Variants in THSD7B observed in about 807,000 individuals in gnomAD.
THSD7B encodes thrombospondin type-1 domain-containing protein 7B.
THSD7B carries 138 observed loss-of-function variants against 213.6 expected under a neutral mutation model. The ratio of observed to expected loss-of-function variants is 0.65; its 90% CI spans 0.56 to 0.74. The LOEUF (loss-of-function observed/expected upper bound fraction) is 0.74. Ranked by LOEUF, THSD7B falls within the 30% of genes least tolerant of loss-of-function variation. The probability of loss-of-function intolerance (pLI) is 0.00; values close to 1 mark genes in which losing one functional copy is unlikely to be tolerated. For missense variants in THSD7B, 1,931 were observed against 1,991.5 expected (o/e 0.97, Z 0.58); for synonymous variants, 742 against 687.0 (o/e 1.08, Z -1.25).
intron 14 of THSD7B, among the ~76,000 whole-genome samples, chr2:137,435,118 C>T (rs11889755): frequency 0.084 from 12,766 of 152,140 alleles, 1,140 homozygotes; most frequent in African/African-American, 0.22. Context: ...TATCATGTCC[C>T]AGCAGCTACA....
chr2:136,899,706 G>T (rs1684032425), intron 2 of THSD7B, among the ~76,000 whole-genome samples: 1 of 152,198 alleles, frequency 6.6e-6, no homozygotes, highest in African/African-American at 2.4e-5. Flanking sequence ...TCATGTGTTG[G>T]ATGCTTGAGT....
intron 1 of THSD7B, among the ~76,000 whole-genome samples, chr2:136,879,549 G>A (rs1326397062): frequency 1.3e-5 from 2 of 152,154 alleles, no homozygotes; most frequent in African/African-American, 4.8e-5. Flanking sequence ...CTACCCATGA[G>A]CATGGAATGT....
At chr2:137,568,078 T>C (rs1681277285) in intron 16 of THSD7B, among the ~76,000 whole-genome samples, 1 of 152,192 alleles carries the variant, frequency 6.6e-6, no homozygotes, top group African/African-American at 2.4e-5. Flanking sequence ...GGCTTTTTGG[T>C]TTACTGAGAT....
At chr2:136,869,089 T>A (rs1047347947) in intron 1 of THSD7B, among the ~76,000 whole-genome samples, 1 of 152,198 alleles carries the variant, frequency 6.6e-6, no homozygotes, top group Non-Finnish European at 1.5e-5. Context: ...TTCCTTTTTT[T>A]ATAATTTGTA....
rs1662600712 is a variant in THSD7B, at chr2:137,115,151, A to G, written c.1227A>G (p.Lys409=). The change falls in exon 5 of 28, where the codon AAA becomes AAG. Residue 409 remains lysine (K), a synonymous_variant. Coordinates refer to ENST00000409968, the MANE Select transcript of THSD7B (RefSeq NM_001316349.2). ...PRYSWRTSEW[K]ECQVSLLLEQ... The stretch of plus-strand genomic sequence containing the variant: ...ATTCCTGGAGAACTTCTGAATGGAA[A>G]GAATGCCAAGTCTCTCTCCTCCTCG... 6.2e-7 allele frequency: 1 copy of G among 1,613,866 alleles called. No individual in the cohort carries two copies. Among genetic ancestry groups the G allele is most frequent in the Admixed American group, 1.7e-5 (1 of 59,992 alleles).
At chr2:137,381,900 C>T (rs1177711114) in intron 12 of THSD7B, among the ~76,000 whole-genome samples, 4 of 152,152 alleles carry the variant, frequency 2.6e-5, no homozygotes, top group Non-Finnish European at 5.9e-5. Flanking sequence ...AGGGAACTGG[C>T]CAAGGTGCTT....
chr2:137,307,013 T>G (rs1306297838), intron 12 of THSD7B, among the ~76,000 whole-genome samples: 3 of 152,182 alleles, frequency 2.0e-5, no homozygotes, highest in Non-Finnish European at 4.4e-5. Flanking sequence ...CATCTTGACC[T>G]TTGTCTAATA....
intron 21 of THSD7B, among the ~76,000 whole-genome samples, chr2:137,655,184 T>A (rs890334776): frequency 5.3e-5 from 8 of 152,188 alleles, no homozygotes; most frequent in Admixed American, 3.9e-4. Flanking sequence ...ACAGATTAGG[T>A]CATTTTATCA....
intron 2 of THSD7B, among the ~76,000 whole-genome samples, chr2:136,991,286 A>G (rs1394015819): frequency 6.6e-6 from 1 of 152,204 alleles, no homozygotes; most frequent in African/African-American, 2.4e-5. Flanking sequence ...ATTCTAACAT[A>G]ACTGCTATTG....
chr2:137,133,720 G>T (rs1558933156), intron 5 of THSD7B, among the ~76,000 whole-genome samples: 2 of 152,082 alleles, frequency 1.3e-5, no homozygotes, highest in Non-Finnish European at 2.9e-5. Flanking sequence ...ATAAATAGGT[G>T]AAATTAATTT....
intron 14 of THSD7B, among the ~76,000 whole-genome samples, chr2:137,438,066 C>G (rs927442911): frequency 1.3e-5 from 2 of 152,126 alleles, no homozygotes; most frequent in Non-Finnish European, 2.9e-5. Flanking sequence ...GAGAATAATA[C>G]TAGTAGCAGA....
chr2:137,401,684 C>A (rs556867206), intron 12 of THSD7B, among the ~76,000 whole-genome samples: 2 of 139,754 alleles, frequency 1.4e-5, no homozygotes, highest in African/African-American at 5.4e-5. Flanking sequence ...TGGCCTTCAT[C>A]CTTGGGTTAC....
intron 4 of THSD7B, among the ~76,000 whole-genome samples, chr2:137,099,650 T>G (rs1283224087): frequency 6.6e-6 from 1 of 152,188 alleles, no homozygotes; most frequent in Non-Finnish European, 1.5e-5. Context: ...AGTTTTCATA[T>G]GAAAATGGCT....
intron 26 of THSD7B, among the ~76,000 whole-genome samples, chr2:137,665,122 T>C (rs896682232): frequency 3.9e-5 from 6 of 152,202 alleles, no homozygotes; most frequent in African/African-American, 1.2e-4. Flanking sequence ...ATGCCAAAGG[T>C]GTTTAAAAAC....
At chr2:137,672,502 T>C (rs977454551) in intron 27 of THSD7B, among the ~76,000 whole-genome samples, 2 of 152,202 alleles carry the variant, frequency 1.3e-5, no homozygotes, top group Non-Finnish European at 2.9e-5. Flanking sequence ...ACAGGTAAAG[T>C]AAGCTGTTGA....
intron 1 of THSD7B, among the ~76,000 whole-genome samples, chr2:136,772,882 G>A (rs973623417): frequency 6.6e-6 from 1 of 152,104 alleles, no homozygotes; most frequent in African/African-American, 2.4e-5. Flanking sequence ...GAACTTTCAT[G>A]GAAGTGTATA....
chr2:137,289,289 A>G (rs1444650744), intron 12 of THSD7B, among the ~76,000 whole-genome samples: 1 of 151,978 alleles, frequency 6.6e-6, no homozygotes, highest in Non-Finnish European at 1.5e-5. Flanking sequence ...CTCAATTAAA[A>G]AAAAAAAGAA....
In THSD7B at chr2:137,497,787, G is replaced by A. The variant is rs148889191; in HGVS notation, c.3138+46764G>A. 6.9e-3 allele frequency among the ~76,000 whole-genome samples: 1,055 copies of A among 152,144 alleles called. 10 individuals are homozygous for A. The highest frequency in any genetic ancestry group is 0.024 in the African/African-American group (999 of 41,504). Reference sequence around the variant, plus strand: ...TAAAAGCATTATTAAATGACAGAAAGGTTTCTTAACTCCTTCATTGGCTCA... The same window carrying A: ...TAAAAGCATTATTAAATGACAGAAAAGTTTCTTAACTCCTTCATTGGCTCA... On this transcript the variant is annotated intron_variant, in intron 15 of 27. Transcript: ENST00000409968.
chr2:137,238,270 C>T (rs374521181), intron 9 of THSD7B, among the ~76,000 whole-genome samples: 4 of 152,044 alleles, frequency 2.6e-5, no homozygotes, highest in African/African-American at 4.8e-5. Context: ...TGGGTGGGTC[C>T]GTATGGGAAC....
Sources: gnomAD v4.1 joint callset for allele counts (sites outside exome capture counted in the v4.1 genomes callset) on GRCh38, gnomAD v4.1.1 for gene constraint, MANE v1.5 for transcripts, NCBI Gene and HGNC (gene_info 2026-07-23, HGNC 2026-07-21) for gene names.